ST3GAL3: variants seen among roughly 807,000 people sequenced by gnomAD.
ST3GAL3 encodes the protein ST3 beta-galactoside alpha-2,3-sialyltransferase 3, also known as CMP-N-acetylneuraminate-beta-1,4-galactoside alpha-2,3-sialyltransferase.
ST3GAL3 carries 21 observed loss-of-function variants against 50.1 expected under a neutral mutation model. The ratio of observed to expected loss-of-function variants is 0.42; its 90% confidence interval spans 0.30 to 0.60. ST3GAL3 has a LOEUF of 0.60. Ranked by LOEUF, ST3GAL3 falls within the 20% of genes least tolerant of loss-of-function variation. The probability of loss-of-function intolerance (pLI) is 0.19; values close to 1 mark genes in which losing one functional copy is unlikely to be tolerated. For missense variants in ST3GAL3, 353 were observed against 489.4 expected (o/e 0.72, Z 2.63); for synonymous variants, 183 against 190.0 (o/e 0.96, Z 0.30).
At chr1:43,793,924 AT>A (rs1422992228) in intron 3 of ST3GAL3, among the ~76,000 whole-genome samples, 1 of 152,030 alleles carries the variant, frequency 6.6e-6, no homozygotes, top group Non-Finnish European at 1.5e-5. Flanking sequence ...CTCTACAAAA[AT>A]TTTTTTAAAA....
At chr1:43,861,154 C>T (rs535511457) in intron 5 of ST3GAL3, among the ~76,000 whole-genome samples, 25 of 152,198 alleles carry the variant, frequency 1.6e-4, no homozygotes, top group Admixed American at 2.6e-4. Context: ...ATCAGGCAAA[C>T]CTGGGTTAGA....
intron 2 of ST3GAL3, among the ~76,000 whole-genome samples, chr1:43,754,538 C>T (rs1052678016): frequency 1.1e-4 from 17 of 152,064 alleles, no homozygotes; most frequent in Admixed American, 2.6e-4. Flanking sequence ...CACCACAAGT[C>T]GAAGGAGAAA....
intron 2 of ST3GAL3, among the ~76,000 whole-genome samples, chr1:43,755,239 T>C (rs1385953799): frequency 2.0e-5 from 3 of 152,172 alleles, no homozygotes; most frequent in Non-Finnish European, 4.4e-5. Context: ...AAGAAACCCA[T>C]AATGCTAAGC....
At chr1:43,920,642 T>A in intron 10 of ST3GAL3, 92 bp downstream of exon 10, 1 of 1,604,426 alleles carries the variant, frequency 6.2e-7, no homozygotes. Context: ...GCAGTGCTTC[T>A]GCAAAATAGC....
At chr1:43,834,244 C>CTTTTATTTTATTT (rs2063953994) in intron 4 of ST3GAL3, among the ~76,000 whole-genome samples, 1 of 152,184 alleles carries the variant, frequency 6.6e-6, no homozygotes, top group Non-Finnish European at 1.5e-5. Flanking sequence ...TTATTCTAAC[C>CTTTTATTTTATTT]AGCTTGTAAA....
intron 2 of ST3GAL3, among the ~76,000 whole-genome samples, chr1:43,788,379 G>A (rs2057611347): frequency 6.6e-6 from 1 of 152,232 alleles, no homozygotes; most frequent in African/African-American, 2.4e-5. Context: ...CATCCGGGCA[G>A]TCAGCTCCTC....
intron 2 of ST3GAL3, among the ~76,000 whole-genome samples, chr1:43,758,820 AG>A: frequency 6.6e-6 from 1 of 151,796 alleles, no homozygotes; most frequent in East Asian, 2.0e-4. Context: ...TGAGGCTAGG[AG>A]TTCGAGACCA....
intron 3 of ST3GAL3, among the ~76,000 whole-genome samples, chr1:43,813,889 A>ACACG (rs2060885355): frequency 3.1e-5 from 1 of 32,596 alleles, no homozygotes; most frequent in South Asian, 1.5e-3. Flanking sequence ...ACACACACAC[A>ACACG]CACACGCACA....
chr1:43,771,434 C>G (rs918691077), intron 2 of ST3GAL3, among the ~76,000 whole-genome samples: 1 of 151,780 alleles, frequency 6.6e-6, no homozygotes, highest in Non-Finnish European at 1.5e-5. Context: ...CTCGGCTCAC[C>G]GCAGGCTCCG....
chr1:43,807,975 G>A (rs1014179868), intron 3 of ST3GAL3, among the ~76,000 whole-genome samples: 1 of 152,034 alleles, frequency 6.6e-6, no homozygotes, highest in Non-Finnish European at 1.5e-5. Flanking sequence ...GTAGGACACC[G>A]AACTGGAGCT....
chr1:43,815,662 A>G (rs2061143318), intron 4 of ST3GAL3, among the ~76,000 whole-genome samples: 2 of 152,216 alleles, frequency 1.3e-5, no homozygotes, highest in Admixed American at 1.3e-4. Context: ...AAGCTACTTA[A>G]CCACTCTGAG....
intron 3 of ST3GAL3, among the ~76,000 whole-genome samples, chr1:43,805,925 G>A (rs1349447738): frequency 1.3e-5 from 2 of 152,106 alleles, no homozygotes; most frequent in African/African-American, 2.4e-5. Flanking sequence ...TAGTAGAAAC[G>A]GGGTTTCACC....
chr1:43,886,554 A>G (rs1037455056), intron 5 of ST3GAL3, among the ~76,000 whole-genome samples: 1 of 152,170 alleles, frequency 6.6e-6, no homozygotes, highest in African/African-American at 2.4e-5. Flanking sequence ...TTCCAGGCCT[A>G]TAGAGAAGGA....
chr1:43,871,241 G>A (rs1421719152), intron 5 of ST3GAL3, among the ~76,000 whole-genome samples: 1 of 152,152 alleles, frequency 6.6e-6, no homozygotes, highest in East Asian at 1.9e-4. Flanking sequence ...GGAATGAGGT[G>A]GCCAAAGTAC....
chr1:43,792,170 A>G lies in ST3GAL3; in HGVS notation c.166+21A>G, dbSNP rs377176495. Reference sequence around the variant, plus strand: ...CTCAGGTACCAACTCTTCCCCCTCTATCATCTTTTTGGCCTTCAATATTAG... The same window carrying G: ...CTCAGGTACCAACTCTTCCCCCTCTGTCATCTTTTTGGCCTTCAATATTAG... On this transcript the variant is annotated intron_variant, in intron 3 of 11. Coordinates refer to ENST00000347631, the MANE Select transcript of ST3GAL3 (RefSeq NM_006279.5). 84 of 1,614,054 alleles carry G rather than the reference A, an allele frequency of 5.2e-5. 1 individual carries two copies. The highest frequency in any genetic ancestry group is 8.3e-5 in the Admixed American group (5 of 60,008).
At chr1:43,912,566 T>TA (rs2081116036) in intron 9 of ST3GAL3, 2 of 152,236 alleles carry the variant, frequency 1.3e-5, no homozygotes, top group African/African-American at 4.8e-5. Context: ...TGATGGCTGT[T>TA]AGAGTCACCC....
At chr1:43,917,258 G>A (rs2081963415) in intron 9 of ST3GAL3, among the ~76,000 whole-genome samples, 2 of 150,332 alleles carry the variant, frequency 1.3e-5, no homozygotes, top group Admixed American at 1.3e-4. Context: ...TTAGTTTAAT[G>A]TGCATTTCCT....
At chr1:43,810,858 A>G (rs1176396389) in intron 3 of ST3GAL3, among the ~76,000 whole-genome samples, 1 of 151,946 alleles carries the variant, frequency 6.6e-6, no homozygotes, top group East Asian at 1.9e-4. Context: ...TCACCAGGAG[A>G]GAGTACAGGC....
intron 5 of ST3GAL3, among the ~76,000 whole-genome samples, chr1:43,887,385 A>C (rs1285235996): frequency 6.6e-6 from 1 of 152,270 alleles, no homozygotes; most frequent in African/African-American, 2.4e-5. Flanking sequence ...GATGGGATCT[A>C]GCCAAGAGAG....
Sources: allele counts gnomAD v4.1 joint callset (sites outside exome capture counted in the v4.1 genomes callset), GRCh38; gene constraint gnomAD v4.1.1; transcripts MANE v1.5; gene names NCBI Gene and HGNC (gene_info 2026-07-23, HGNC 2026-07-21).